The following CT45A1 variants were observed in gnomAD, a reference collection of about 807,000 sequenced individuals.
CT45A1 encodes cancer/testis antigen 45-1.
chrX:135,712,509 G>T (rs1383390666), upstream of CT45A1, among the ~76,000 whole-genome samples: 1 of 102,544 alleles, frequency 9.8e-6, no homozygotes, highest in Non-Finnish European at 2.0e-5. Context: ...ACAGATAGAG[G>T]TTGAATTTAT....
At chrX:135,708,791 T>C (rs782413038), upstream of CT45A1, among the ~76,000 whole-genome samples, 1 of 111,475 alleles carries the variant, frequency 9.0e-6, no homozygotes, top group South Asian at 3.8e-4. Context: ...AGGTCCCTGA[T>C]TTTGTGTGGG....
chrX:135,714,719 T>C (rs1438837854), intron 1 of CT45A1, among the ~76,000 whole-genome samples: 10 of 111,203 alleles, frequency 9.0e-5, no homozygotes, highest in Admixed American at 3.8e-4. Context: ...TTAATGAGAT[T>C]GAGCACCTTT....
chrX:135,711,613 T>C (rs2087933695), upstream of CT45A1, among the ~76,000 whole-genome samples: 1 of 110,852 alleles, frequency 9.0e-6, no homozygotes, highest in Non-Finnish European at 1.9e-5. Context: ...TTTTTAATTT[T>C]TTTTTTACAA....
chrX:135,717,410 G>A (rs782783053), intron 1 of CT45A1, among the ~76,000 whole-genome samples: 150 of 110,835 alleles, frequency 1.4e-3, no homozygotes, highest in African/African-American at 2.5e-3. Flanking sequence ...TTAGCCAGGC[G>A]TTGTGGCAGG....
At chrX:135,712,026 A>T (rs1325504253), upstream of CT45A1, among the ~76,000 whole-genome samples, 5 of 109,535 alleles carry the variant, frequency 4.6e-5, no homozygotes, top group Non-Finnish European at 9.5e-5. Context: ...GGTTGCAGTG[A>T]GCCGAGATTA....
chrX:135,716,585 T>A (rs1296344489), intron 1 of CT45A1, among the ~76,000 whole-genome samples: 1 of 111,773 alleles, frequency 8.9e-6, no homozygotes, highest in Non-Finnish European at 1.9e-5. Context: ...TACTATATAC[T>A]ACATAATGTA....
At chrX:135,712,888 TTTCTTTCTTTCTTTC>T (rs1204012830), upstream of CT45A1, among the ~76,000 whole-genome samples, 1 of 109,054 alleles carries the variant, frequency 9.2e-6, no homozygotes, top group South Asian at 3.9e-4. Flanking sequence ...GATGTTGTCG[TTTCTTTCTTTCTTTC>T]TTCTTTCTTT....
chrX:135,712,047 C>G (rs2087936386), upstream of CT45A1, among the ~76,000 whole-genome samples: 1 of 109,078 alleles, frequency 9.2e-6, no homozygotes, highest in Non-Finnish European at 1.9e-5. Flanking sequence ...TGGCACTGCA[C>G]TCCAGCCTAG....
chrX:135,709,738 G>A (rs1267622948), upstream of CT45A1, among the ~76,000 whole-genome samples: 4 of 111,185 alleles, frequency 3.6e-5, no homozygotes, highest in Non-Finnish European at 7.5e-5. Flanking sequence ...GGGAGGGAGC[G>A]GGTTGGAGGG....
upstream of CT45A1, among the ~76,000 whole-genome samples, chrX:135,712,936 T>C (rs1489896555): frequency 2.3e-5 from 2 of 85,634 alleles, no homozygotes; most frequent in Non-Finnish European, 4.5e-5. Context: ...TTCTTTTCTT[T>C]TTTTCTTTCT....
upstream of CT45A1, among the ~76,000 whole-genome samples, chrX:135,712,710 T>C (rs1266396609): frequency 5.5e-5 from 6 of 108,398 alleles, no homozygotes; most frequent in Non-Finnish European, 1.1e-4. Context: ...TCTGTATTTT[T>C]AGTTGAGACG....
chrX:135,716,106 GTC>G (rs1306657455), intron 1 of CT45A1, among the ~76,000 whole-genome samples: 1 of 111,277 alleles, frequency 9.0e-6, no homozygotes, highest in Non-Finnish European at 1.9e-5. Context: ...TTGATTCCAA[GTC>G]TTTGCTGTTA....
chrX:135,711,882 A>G (rs75607669), upstream of CT45A1, among the ~76,000 whole-genome samples: 1 of 110,772 alleles, frequency 9.0e-6, no homozygotes, highest in African/African-American at 3.3e-5. Flanking sequence ...GGAGTTTGAG[A>G]CCAGCCTGGC....
upstream of CT45A1, among the ~76,000 whole-genome samples, chrX:135,712,887 G>GTTTC (rs1250601290): frequency 4.0e-3 from 436 of 108,644 alleles, 3 homozygotes; most frequent in African/African-American, 0.012. Context: ...TGATGTTGTC[G>GTTTC]TTTCTTTCTT....
chrX:135,715,566 C>A (rs1414455131), intron 1 of CT45A1, among the ~76,000 whole-genome samples: 8 of 84,889 alleles, frequency 9.4e-5, no homozygotes, highest in Non-Finnish European at 6.4e-5. Context: ...GTATATAATA[C>A]TTATATATAT....
upstream of CT45A1, among the ~76,000 whole-genome samples, chrX:135,713,000 T>TTC (rs1419239323): frequency 9.1e-4 from 20 of 22,018 alleles, 1 homozygote; most frequent in South Asian, 0.012. Context: ...TTCCTTCCTC[T>TTC]CTCTCTCTCT....
At chrX:135,712,982 C>CTTTCTTTTCTTTCTCCTTCCTTCCT (rs1556570114), upstream of CT45A1, among the ~76,000 whole-genome samples, 9 of 7,470 alleles carry the variant, frequency 1.2e-3, no homozygotes, top group Non-Finnish European at 1.5e-3. Context: ...TCTTTTCTTT[C>CTTTCTTTTCTTTCTCCTTCCTTCCT]TCCTTCCTTC....
At chrX:135,715,212 A>C (rs1258148958) in intron 1 of CT45A1, among the ~76,000 whole-genome samples, 1 of 88,912 alleles carries the variant, frequency 1.1e-5, no homozygotes, top group Non-Finnish European at 2.2e-5. Context: ...ATATATATAT[A>C]ATACTTATAT....
intron 1 of CT45A1, among the ~76,000 whole-genome samples, chrX:135,715,501 A>T (rs1355343810): frequency 1.2e-5 from 1 of 81,374 alleles, no homozygotes; most frequent in Non-Finnish European, 2.2e-5. Context: ...TATGTATATA[A>T]TACTTATATA....
Sources: allele counts gnomAD v4.1 joint callset (sites outside exome capture counted in the v4.1 genomes callset), GRCh38; gene constraint gnomAD v4.1.1; transcripts MANE v1.5; gene names NCBI Gene and HGNC (gene_info 2026-07-23, HGNC 2026-07-21).